The following NUDCD3 variants were observed in gnomAD, a reference collection of about 807,000 sequenced individuals.
The protein encoded by NUDCD3 is nudC domain-containing protein 3.
In NUDCD3, 13 loss-of-function variants were observed where a neutral mutation model predicts 39.7. That is an observed-to-expected ratio of 0.33 (90% CI 0.21 to 0.52). NUDCD3 has a LOEUF of 0.52. Ranked by LOEUF, NUDCD3 falls within the 20% of genes least tolerant of loss-of-function variation. The pLI is 0.96. For synonymous variants in NUDCD3, 175 were observed against 172.4 expected (o/e 1.02, Z -0.12); for missense variants, 453 against 458.1 (o/e 0.99, Z 0.10).
At chr7:44,426,849 AG>A (rs1263166978) in intron 3 of NUDCD3, among the ~76,000 whole-genome samples, 1 of 151,114 alleles carries the variant, frequency 6.6e-6, no homozygotes, top group Non-Finnish European at 1.5e-5. Context: ...CGCTGGGATG[AG>A]GTGGGCCTGT....
At position 44,464,873 on chromosome 7, in the gene NUDCD3, T is replaced by C. The variant is rs145340015; in HGVS notation, c.509+20095A>G. Among the ~76,000 whole-genome samples, 9 of 152,328 alleles carry C rather than the reference T, an allele frequency of 5.9e-5. 2 individuals carry two copies. Among genetic ancestry groups the C allele is most frequent in the Admixed American group, 5.9e-4 (9 of 15,298 alleles). On this transcript the variant is annotated intron_variant, in intron 2 of 5. Coordinates refer to ENST00000355451, the MANE Select transcript of NUDCD3 (RefSeq NM_015332.4). ...GACACCCAACAATACTGGCATTTAGTACAGAATCTCAACCCTCTTTTCCTT... is the reference window on the plus strand; with the variant it reads ...GACACCCAACAATACTGGCATTTAGCACAGAATCTCAACCCTCTTTTCCTT...
chr7:44,410,840 G>C (rs1268330920), intron 3 of NUDCD3, among the ~76,000 whole-genome samples: 1 of 151,936 alleles, frequency 6.6e-6, no homozygotes, highest in African/African-American at 2.4e-5. Context: ...GGTGGTGCGT[G>C]CCTGTAGTTC....
intron 2 of NUDCD3, among the ~76,000 whole-genome samples, chr7:44,453,184 C>A (rs1799827007): frequency 6.6e-6 from 1 of 152,120 alleles, no homozygotes; most frequent in South Asian, 2.1e-4. Flanking sequence ...GAAACCCCAT[C>A]TCTACTAAAA....
intron 3 of NUDCD3, among the ~76,000 whole-genome samples, chr7:44,414,172 T>C (rs1462653399): frequency 6.6e-6 from 1 of 152,246 alleles, no homozygotes; most frequent in Non-Finnish European, 1.5e-5. Flanking sequence ...TTTTATTGTT[T>C]ACAACAGGAA....
intron 2 of NUDCD3, among the ~76,000 whole-genome samples, chr7:44,479,745 C>CTG (rs1200029205): frequency 1.3e-5 from 2 of 152,066 alleles, no homozygotes; most frequent in African/African-American, 4.8e-5. Context: ...GTGTGGTCTT[C>CTG]TACAGAATAA....
Position 44,418,065 on chromosome 7 carries a change from T to C in NUDCD3, c.642+9506A>G, listed in dbSNP as rs17131844. Among the ~76,000 whole-genome samples the C allele has an allele frequency of 4.2e-3, 645 of 152,126 alleles. 7 individuals carry two copies. Among genetic ancestry groups the C allele is most frequent in the African/African-American group, 0.015 (614 of 41,510 alleles). On this transcript the variant is annotated intron_variant, in intron 3 of 5. Transcript: ENST00000355451. ...CCCAAACTCCTACACACAGGGCAGGTTTAGGACATGTCTACCTATTTCAAG... is the reference window on the plus strand; with the variant it reads ...CCCAAACTCCTACACACAGGGCAGGCTTAGGACATGTCTACCTATTTCAAG...
At chr7:44,419,392 G>C (rs1307746668) in intron 3 of NUDCD3, among the ~76,000 whole-genome samples, 1 of 152,180 alleles carries the variant, frequency 6.6e-6, no homozygotes, top group Admixed American at 6.5e-5. Flanking sequence ...AGAAGGGACG[G>C]CTGTGGGCGC....
chr7:44,427,543 G>A (rs745305828), intron 3 of NUDCD3, 28 bp downstream of exon 3: 38 of 1,601,740 alleles, frequency 2.4e-5, no homozygotes, highest in East Asian at 6.7e-5. Context: ...GGGTGAAGCC[G>A]CCCACCCCTA....
At chr7:44,444,238 T>A (rs758985374) in intron 2 of NUDCD3, among the ~76,000 whole-genome samples, 1 of 152,120 alleles carries the variant, frequency 6.6e-6, no homozygotes, top group Non-Finnish European at 1.5e-5. Flanking sequence ...ATAGGAGGCA[T>A]CCTATCACCT....
chr7:44,481,901 T>A lies in NUDCD3; in HGVS notation c.509+3067A>T, dbSNP rs908974614. 5.9e-5 allele frequency among the ~76,000 whole-genome samples: 9 copies of A among 152,094 alleles called. No individual in the cohort carries two copies. The South Asian group carries it at 1.9e-3, about 32-fold the overall frequency. ...GAGAGTTCTCTCACCTCTTCCACCA[T>A]TTGAGGACACAGCAAGGTAACTACG... On this transcript the variant is annotated intron_variant, in intron 2 of 5. Coordinates refer to ENST00000355451, the MANE Select transcript of NUDCD3 (RefSeq NM_015332.4).
Position 44,485,206 on chromosome 7 carries a change from T to C in NUDCD3, c.271A>G (p.Lys91Glu). The change falls in exon 2 of 6, where the codon AAG becomes GAG. Residue 91 changes from lysine to glutamate, a missense_variant. Lys to Glu is a moderately conservative substitution (Grantham distance 56, BLOSUM62 1). Coordinates refer to ENST00000355451, the MANE Select transcript of NUDCD3 (RefSeq NM_015332.4). Reference protein sequence around the residue: ...RQELEEKIRRKEEEEAKTVSA... With the variant: ...RQELEEKIRREEEEEAKTVSA... ...ACAGTCTTGGCCTCTTCCTCTTCCT[T>C]TCTTCTGATTTTCTCTTCAAGTTCC... 1 of 1,614,200 alleles carries C rather than the reference T, an allele frequency of 6.2e-7. No individual in the cohort carries two copies.
intron 2 of NUDCD3, among the ~76,000 whole-genome samples, chr7:44,465,180 A>G (rs964398837): frequency 6.6e-6 from 1 of 152,176 alleles, no homozygotes; most frequent in African/African-American, 2.4e-5. Flanking sequence ...TGTTTTTTAC[A>G]TGTATTTTCT....
intron 3 of NUDCD3, among the ~76,000 whole-genome samples, chr7:44,418,938 G>A (rs772176877): frequency 6.6e-6 from 1 of 152,198 alleles, no homozygotes; most frequent in Non-Finnish European, 1.5e-5. Flanking sequence ...TCCCTCGTGT[G>A]CCTACACCAC....
intron 1 of NUDCD3, 83 bp from the exon 2 acceptor site, chr7:44,485,367 G>T: frequency 1.6e-6 from 2 of 1,224,688 alleles, no homozygotes; most frequent in Non-Finnish European, 2.3e-6. Context: ...TAAAATCTGT[G>T]AAGGAGAGAA....
chr7:44,430,329 C>A (rs575738162), intron 2 of NUDCD3, among the ~76,000 whole-genome samples: 2 of 152,250 alleles, frequency 1.3e-5, no homozygotes, highest in African/African-American at 4.8e-5. Context: ...CTCACCCAGA[C>A]CCCAAGTTTC....
intron 3 of NUDCD3, among the ~76,000 whole-genome samples, chr7:44,411,073 T>C (rs1798914373): frequency 6.6e-6 from 1 of 152,236 alleles, no homozygotes; most frequent in Non-Finnish European, 1.5e-5. Flanking sequence ...AATTGTACCA[T>C]GAGAACTGAG....
At chr7:44,431,429 G>A (rs1418064840) in intron 2 of NUDCD3, among the ~76,000 whole-genome samples, 2 of 152,176 alleles carry the variant, frequency 1.3e-5, no homozygotes, top group African/African-American at 4.8e-5. Flanking sequence ...GGATAGGCCA[G>A]ACCCTTCCTG....
intron 3 of NUDCD3, among the ~76,000 whole-genome samples, chr7:44,426,744 T>A (rs1157063399): frequency 7.1e-6 from 1 of 141,338 alleles, no homozygotes; most frequent in Non-Finnish European, 1.5e-5. Context: ...TGCAGTGAGC[T>A]GAGATCCCGC....
At chr7:44,406,379 G>A (rs1798821429) in intron 3 of NUDCD3, among the ~76,000 whole-genome samples, 1 of 152,154 alleles carries the variant, frequency 6.6e-6, no homozygotes, top group Non-Finnish European at 1.5e-5. Flanking sequence ...CTAACACCAT[G>A]AGGAACGTGA....
Sources: gnomAD v4.1 joint callset for allele counts (sites outside exome capture counted in the v4.1 genomes callset) on GRCh38, gnomAD v4.1.1 for gene constraint, MANE v1.5 for transcripts, NCBI Gene and HGNC (gene_info 2026-07-23, HGNC 2026-07-21) for gene names.